The following MYO3B variants were observed in gnomAD, a reference collection of about 807,000 sequenced individuals.
MYO3B encodes the protein myosin IIIB.
A neutral mutation model predicts 174.6 loss-of-function variants in MYO3B; 156 were observed. The ratio of observed to expected loss-of-function variants is 0.89; its 90% CI spans 0.78 to 1.02. MYO3B has a LOEUF of 1.02. MYO3B is among the 50% of genes least tolerant of loss of function. MYO3B has a pLI of 0.00. For missense variants in MYO3B, 1,632 were observed against 1,639.4 expected (o/e 1.00, Z 0.08); for synonymous variants, 563 against 569.1 (o/e 0.99, Z 0.15).
chr2:170,651,137 A>C (rs981050381), intron 32 of MYO3B, among the ~76,000 whole-genome samples: 12 of 152,150 alleles, frequency 7.9e-5, no homozygotes, highest in African/African-American at 2.9e-4. Flanking sequence ...AAAGCATTTC[A>C]GTAAATTTTA....
At chr2:170,433,474 T>A (rs1239187564) in intron 22 of MYO3B, among the ~76,000 whole-genome samples, 1 of 152,206 alleles carries the variant, frequency 6.6e-6, no homozygotes, top group East Asian at 1.9e-4. Flanking sequence ...AGTTGTCAGT[T>A]CACTGGTGGA....
At position 170,329,122 on chromosome 2, in the gene MYO3B, A is replaced by C. The variant is rs145271172; in HGVS notation, c.750-6263A>C. Among the ~76,000 whole-genome samples the C allele has an allele frequency of 1.8e-4, 28 of 151,448 alleles. No individual in the cohort carries two copies. In the South Asian group the frequency reaches 2.1e-3, roughly 11 times the overall value. On this transcript the variant is annotated intron_variant, in intron 7 of 34. Coordinates refer to ENST00000408978, the MANE Select transcript of MYO3B (RefSeq NM_138995.5). ...AGCCAAGATCGCTCCATTGCACTCCATCCTGGGCGACTGAGTGAGACTCTG... is the reference window on the plus strand; with the variant it reads ...AGCCAAGATCGCTCCATTGCACTCCCTCCTGGGCGACTGAGTGAGACTCTG...
rs746074688 is a variant in MYO3B at position 170,236,130 on chromosome 2, T to A, written c.743T>A (p.Ile248Asn). Residue 248 changes from isoleucine (I) to asparagine (N), a missense_variant, in exon 7 of 35, where the codon ATT becomes AAT. By Grantham distance (149) the Ile-to-Asn change is moderately radical. Coordinates refer to ENST00000408978, the MANE Select transcript of MYO3B (RefSeq NM_138995.5). ...CATCCTGTGAAAACACTCTTTAAGATTCCAAGGTAAGACACAAGATGGCGC... is the reference window on the plus strand; with the variant it reads ...CATCCTGTGAAAACACTCTTTAAGAATCCAAGGTAAGACACAAGATGGCGC... ...DMHPVKTLFK[I>N]PRNPPPTLLH... is the part of the protein sequence containing the mutation. 191 of 1,614,070 alleles carry A rather than the reference T, an allele frequency of 1.2e-4. No homozygotes were observed. The highest frequency in any genetic ancestry group is 1.6e-4 in the Non-Finnish European group (188 of 1,180,022).
intron 7 of MYO3B, among the ~76,000 whole-genome samples, chr2:170,246,467 C>G (rs930780192): frequency 6.6e-6 from 1 of 151,508 alleles, no homozygotes; most frequent in African/African-American, 2.4e-5. Context: ...TATACTGGAG[C>G]AGAGTTGATC....
At chr2:170,301,240 G>A (rs1029259031) in intron 7 of MYO3B, among the ~76,000 whole-genome samples, 1 of 152,188 alleles carries the variant, frequency 6.6e-6, no homozygotes, top group African/African-American at 2.4e-5. Flanking sequence ...TTTGGTGATC[G>A]AAATCCTAGT....
intron 32 of MYO3B, among the ~76,000 whole-genome samples, chr2:170,622,122 T>C (rs920153574): frequency 6.6e-6 from 1 of 152,204 alleles, no homozygotes; most frequent in East Asian, 1.9e-4. Context: ...TTTACTTATA[T>C]AGTTCTAAAA....
Position 170,576,804 on chromosome 2 carries a change from A to G in MYO3B, c.3733+32816A>G, listed in dbSNP as rs117952619. On this transcript the variant is annotated intron_variant, in intron 32 of 34. Transcript: ENST00000408978. ...TTAGCAGGGACCTCAGCTTGTTGAG[A>G]TTCTTTGCCTGGCAAGGTGAGCCTA... 8.2e-4 allele frequency among the ~76,000 whole-genome samples: 125 copies of G among 152,234 alleles called. 2 individuals carry two copies. In the East Asian group the frequency reaches 0.022, roughly 26 times the overall value.
chr2:170,409,142 A>G (rs981901805), intron 22 of MYO3B, among the ~76,000 whole-genome samples: 1 of 152,222 alleles, frequency 6.6e-6, no homozygotes, highest in African/African-American at 2.4e-5. Context: ...CACAAATATT[A>G]ATAACGACTT....
chr2:170,571,842 C>T (rs41347849), intron 32 of MYO3B, among the ~76,000 whole-genome samples: 6,723 of 152,206 alleles, frequency 0.044, 355 homozygotes, highest in East Asian at 0.25. Context: ...TCTGAACACA[C>T]TGCAGAAAAG....
At chr2:170,269,168 T>C (rs1574687276) in intron 7 of MYO3B, among the ~76,000 whole-genome samples, 1 of 152,202 alleles carries the variant, frequency 6.6e-6, no homozygotes, top group South Asian at 2.1e-4. Context: ...GAGCCCGGCA[T>C]TTAAAGATAT....
intron 6 of MYO3B, among the ~76,000 whole-genome samples, chr2:170,223,046 A>G (rs2092917656): frequency 6.6e-6 from 1 of 152,140 alleles, no homozygotes; most frequent in South Asian, 2.1e-4. Flanking sequence ...CTGAAGGTAC[A>G]AAGCATACCA....
intron 7 of MYO3B, among the ~76,000 whole-genome samples, chr2:170,255,616 A>C (rs972105059): frequency 3.9e-5 from 6 of 152,294 alleles, no homozygotes; most frequent in African/African-American, 1.4e-4. Context: ...CATACACCAC[A>C]GTCAAACCCT....
chr2:170,478,278 G>T (rs978688254), intron 25 of MYO3B, among the ~76,000 whole-genome samples: 1 of 152,056 alleles, frequency 6.6e-6, no homozygotes, highest in Non-Finnish European at 1.5e-5. Context: ...GGGGGAGGCG[G>T]TTAGTCATGT....
intron 9 of MYO3B, among the ~76,000 whole-genome samples, chr2:170,370,624 T>TACACACAC (rs55790344): frequency 5.6e-4 from 73 of 129,540 alleles, no homozygotes; most frequent in East Asian, 1.2e-3. Flanking sequence ...ACCACCCACC[T>TACACACAC]ACACACACAC....
chr2:170,283,198 C>T lies in MYO3B; in HGVS notation c.749+47062C>T, dbSNP rs527552733. Among the ~76,000 whole-genome samples the T allele has an allele frequency of 8.5e-5, 13 of 152,196 alleles. No homozygotes were observed. The South Asian group carries it at 2.7e-3, about 32-fold the overall frequency. ...AATGATATTGTATAGACTCTGGGAG[C>T]TCTCTACTTCAGTCTCAAGGAGAGT... On this transcript the variant is annotated intron_variant, in intron 7 of 34. Transcript: ENST00000408978.
intron 32 of MYO3B, among the ~76,000 whole-genome samples, chr2:170,588,295 C>T (rs544275639): frequency 1.3e-5 from 2 of 152,070 alleles, no homozygotes; most frequent in South Asian, 2.1e-4. Context: ...AAAAATTAGC[C>T]GGGTGTAGTG....
At chr2:170,573,332 T>C (rs1182003678) in intron 32 of MYO3B, among the ~76,000 whole-genome samples, 1 of 151,992 alleles carries the variant, frequency 6.6e-6, no homozygotes, top group African/African-American at 2.4e-5. Context: ...TGTAGCATGC[T>C]TGTGAATCAA....
At chr2:170,570,395 T>C (rs76959799) in intron 32 of MYO3B, among the ~76,000 whole-genome samples, 206 of 152,326 alleles carry the variant, frequency 1.4e-3, no homozygotes, top group Non-Finnish European at 1.7e-3. Flanking sequence ...ATGAGATACA[T>C]AATTAATCTT....
intron 8 of MYO3B, among the ~76,000 whole-genome samples, chr2:170,368,604 T>A (rs971129533): frequency 2.0e-5 from 3 of 152,224 alleles, no homozygotes; most frequent in African/African-American, 7.2e-5. Flanking sequence ...TCGAATGGAC[T>A]TTTTGTTCCC....
Sources: allele counts gnomAD v4.1 joint callset (sites outside exome capture counted in the v4.1 genomes callset), GRCh38; gene constraint gnomAD v4.1.1; transcripts MANE v1.5; gene names NCBI Gene and HGNC (gene_info 2026-07-23, HGNC 2026-07-21).